Variants in SDCBP observed in about 807,000 individuals in gnomAD.
SDCBP encodes the protein syntenin-1.
Under a neutral mutation model 30.5 loss-of-function variants are expected in SDCBP, and 22 were observed. The ratio of observed to expected loss-of-function variants is 0.72; its 90% CI spans 0.52 to 1.03. The LOEUF is 1.03. Ranked by LOEUF, SDCBP falls within the 50% of genes least tolerant of loss-of-function variation. SDCBP has a pLI of 0.00. For missense variants in SDCBP, 304 were observed against 369.9 expected (o/e 0.82, Z 1.46); for synonymous variants, 103 against 118.7 (o/e 0.87, Z 0.86).
rs767129172 is a variant in SDCBP at position 58,572,251 on chromosome 8, G to A, written c.177G>A (p.Leu59=). Residue 59 remains leucine, a synonymous_variant, in exon 4 of 9, where the codon CTG becomes CTA. Transcript: ENST00000260130. The part of the protein sequence containing the change: ...LYPELSQYMG[L]SLNEEEIRAN... ...CAGAGCTCTCTCAATACATGGGGCT[G>A]AGTTTAAATGAAGAAGAAATACGTG... is the stretch of plus-strand genomic sequence containing the variant. The A allele has an allele frequency of 1.6e-5, 26 of 1,612,188 alleles. No individual in the cohort carries two copies. The highest frequency in any genetic ancestry group is 2.1e-5 in the Non-Finnish European group (25 of 1,179,736).
chr8:58,579,894 G>A, intron 7 of SDCBP, 100 bp downstream of exon 7: 1 of 1,161,358 alleles, frequency 8.6e-7, no homozygotes. Flanking sequence ...ACTTAGGTGG[G>A]AGATGGGGAA....
At position 58,580,054 on chromosome 8, in the gene SDCBP, A is replaced by G. The variant is rs1239865152; in HGVS notation, c.750+260A>G. 4 of 344,734 alleles carry G rather than the reference A, an allele frequency of 1.2e-5. No homozygotes were observed. The East Asian group carries it at 1.5e-4, about 13-fold the overall frequency. 21.4% of individuals were successfully genotyped at this position (344,734 alleles called of 1,614,324 possible). ...GTGGAAATATGGGCAACAAAGATTT[A>G]GAATATGAATAGTGGCCCAGCATTT... On this transcript the variant is annotated intron_variant, in intron 7 of 8. Transcript: ENST00000260130.
Position 58,582,787 on chromosome 8 carries a change from ATT to A in SDCBP, c.*1053_*1054del, listed in dbSNP as rs556672357. 1 of 152,500 alleles carries A rather than the reference ATT, an allele frequency of 6.6e-6. No individual in the cohort carries two copies. The highest frequency in any genetic ancestry group is 2.1e-4 in the South Asian group (1 of 4,832). The allele number at this position is 152,500 out of a possible 1,614,324, so 9.4% of individuals were successfully genotyped here. ...AAATGATAGTTGACACTTTATCCTG[ATT>A]TTTTTCTTCTTTTTGGTTTATGTCT... is the stretch of plus-strand genomic sequence containing the variant. On this transcript the variant is annotated 3_prime_UTR_variant, in exon 9 of 9. Coordinates refer to ENST00000260130, the MANE Select transcript of SDCBP (RefSeq NM_005625.4).
intron 1 of SDCBP, chr8:58,560,477 C>T (rs1016811004): frequency 6.6e-6 from 1 of 151,974 alleles, no homozygotes; most frequent in Non-Finnish European, 1.5e-5. Flanking sequence ...GCTTCTGTTT[C>T]ACCTGACTTG....
intron 1 of SDCBP, among the ~76,000 whole-genome samples, chr8:58,562,641 G>A (rs184312678): frequency 7.2e-5 from 11 of 152,184 alleles, no homozygotes; most frequent in African/African-American, 2.6e-4. Flanking sequence ...GGATAATAAT[G>A]AATATGGATC....
At chr8:58,574,030 T>A (rs964954010) in intron 4 of SDCBP, among the ~76,000 whole-genome samples, 18 of 152,350 alleles carry the variant, frequency 1.2e-4, no homozygotes, top group African/African-American at 4.1e-4. Context: ...CACATATTCT[T>A]ATTGTTATTT....
chr8:58,558,398 C>T (rs777556340), intron 1 of SDCBP, among the ~76,000 whole-genome samples: 2 of 152,176 alleles, frequency 1.3e-5, no homozygotes, highest in Non-Finnish European at 2.9e-5. Context: ...CCTCCTACCT[C>T]AGCCTCCCAA....
chr8:58,562,225 G>A (rs1804477337), intron 1 of SDCBP, among the ~76,000 whole-genome samples: 1 of 151,932 alleles, frequency 6.6e-6, no homozygotes, highest in Admixed American at 6.6e-5. Flanking sequence ...CCAATCAAAA[G>A]ACATAGAGGG....
intron 6 of SDCBP, among the ~76,000 whole-genome samples, chr8:58,578,963 A>C (rs1177635218): frequency 6.6e-6 from 1 of 152,232 alleles, no homozygotes; most frequent in Non-Finnish European, 1.5e-5. Context: ...TTAATAATGT[A>C]AACACAAGTT....
chr8:58,555,881 T>A lies in SDCBP; in HGVS notation c.-16+2578T>A, dbSNP rs529383688. On this transcript the variant is annotated intron_variant, in intron 1 of 8. Coordinates refer to ENST00000260130, the MANE Select transcript of SDCBP (RefSeq NM_005625.4). ...ATGAGCCATACGGTTCCTGGCCTGA[T>A]AATTTTATTTTTTACATTTTTCATT... Among the ~76,000 whole-genome samples, 22 of 152,224 alleles carry A rather than the reference T, an allele frequency of 1.4e-4. No homozygotes were observed. In the South Asian group the frequency reaches 4.4e-3, roughly 30 times the overall value.
chr8:58,577,455 A>G (rs961291010), intron 5 of SDCBP, among the ~76,000 whole-genome samples: 3 of 152,190 alleles, frequency 2.0e-5, no homozygotes, highest in African/African-American at 7.2e-5. Context: ...AAGCCTGTGC[A>G]TGTGGATTTA....
intron 2 of SDCBP, among the ~76,000 whole-genome samples, chr8:58,568,772 A>G (rs1247281136): frequency 1.3e-5 from 2 of 152,216 alleles, no homozygotes; most frequent in East Asian, 3.8e-4. Flanking sequence ...CAGGCAGCAC[A>G]TGACTGTATA....
intron 1 of SDCBP, 51 bp from the exon 2 acceptor site, chr8:58,564,968 T>C: frequency 1.0e-6 from 1 of 988,492 alleles, no homozygotes. Context: ...CTGTGTATAC[T>C]ATTTCAATTT....
intron 1 of SDCBP, among the ~76,000 whole-genome samples, chr8:58,557,928 T>TAA (rs1804237372): frequency 6.6e-6 from 1 of 152,210 alleles, no homozygotes; most frequent in Non-Finnish European, 1.5e-5. Flanking sequence ...TCCACTGATG[T>TAA]AATAGTTACT....
chr8:58,560,023 A>G (rs59979442), intron 1 of SDCBP, among the ~76,000 whole-genome samples: 47,908 of 152,070 alleles, frequency 0.32, 7,755 homozygotes, highest in East Asian at 0.55. Flanking sequence ...TTTTGCTTGA[A>G]TATAAGTTCT....
chr8:58,564,948 CTG>C lies in SDCBP; in HGVS notation c.-15-68_-15-67del, dbSNP rs1339236372. 15 of 745,742 alleles carry C rather than the reference CTG, an allele frequency of 2.0e-5. 1 individual carries two copies. The highest frequency in any genetic ancestry group is 1.4e-4 in the Admixed American group (5 of 35,942). The allele number at this position is 745,742 out of a possible 1,614,324, so 46.2% of individuals were successfully genotyped here. On this transcript the variant is annotated intron_variant, in intron 1 of 8. Transcript: ENST00000260130. Reference sequence around the variant, plus strand: ...TAAATAGTTCTACTTGTTTATGTGTCTGTGGTTAGCTGTGTATACTATTTCAA... The same window carrying C: ...TAAATAGTTCTACTTGTTTATGTGTCTGGTTAGCTGTGTATACTATTTCAA...
rs763074842 is a variant in SDCBP at position 58,578,231 on chromosome 8, A to C, written c.578+23A>C. 2.7e-6 allele frequency: 4 copies of C among 1,465,098 alleles called. No homozygotes were observed. The Admixed American group carries it at 7.7e-5, about 28-fold the overall frequency. The allele number at this position is 1,465,098 out of a possible 1,614,324, so 90.8% of individuals were successfully genotyped here. The stretch of plus-strand genomic sequence containing the variant: ...CAGGTAAGCTGTTACTAAACAGCTC[A>C]AATGAAAATTCAATACTAGTTTTCC... On this transcript the variant is annotated intron_variant, in intron 6 of 8. Transcript: ENST00000260130.
chr8:58,557,225 C>A (rs1209611201), intron 1 of SDCBP, among the ~76,000 whole-genome samples: 1 of 117,170 alleles, frequency 8.5e-6, no homozygotes, highest in Non-Finnish European at 1.6e-5. Flanking sequence ...TTATATATTC[C>A]AGGAAAATGA....
rs531311457 is a variant in SDCBP at position 58,574,558 on chromosome 8, C to T, written c.241-1342C>T. On this transcript the variant is annotated intron_variant, in intron 4 of 8. Transcript: ENST00000260130. The stretch of plus-strand genomic sequence containing the variant: ...GCATCTCCAGGGTTCTTCAGTGCGC[C>T]GCCTTTTATTTTTCTTCTGTTCTAT... 2.4e-4 allele frequency among the ~76,000 whole-genome samples: 36 copies of T among 152,098 alleles called. 1 individual carries two copies. In the Middle Eastern group the frequency reaches 0.01, roughly 43 times the overall value.
Sources: gnomAD v4.1 joint callset for allele counts (sites outside exome capture counted in the v4.1 genomes callset) on GRCh38, gnomAD v4.1.1 for gene constraint, MANE v1.5 for transcripts, NCBI Gene and HGNC (gene_info 2026-07-23, HGNC 2026-07-21) for gene names.